The following GRIN3A variants were observed in gnomAD, a reference collection of about 807,000 sequenced individuals.
GRIN3A encodes the protein glutamate receptor ionotropic, NMDA 3A.
Under a neutral mutation model 92.4 loss-of-function variants are expected in GRIN3A, and 47 were observed. That is an observed-to-expected ratio of 0.51 (90% confidence interval 0.40 to 0.65). GRIN3A has a LOEUF of 0.65. Ranked by LOEUF, GRIN3A falls within the 30% of genes least tolerant of loss-of-function variation. The probability of loss-of-function intolerance (pLI) is 0.00; values close to 1 mark genes in which losing one functional copy is unlikely to be tolerated. For synonymous variants in GRIN3A, 527 were observed against 540.6 expected, an observed-to-expected ratio of 0.97 and a Z score of 0.35; for missense variants, 1,324 against 1,393.1, an observed-to-expected ratio of 0.95 and a Z score of 0.79.
intron 6 of GRIN3A, among the ~76,000 whole-genome samples, chr9:101,611,098 A>T (rs886105070): frequency 1.1e-5 from 1 of 91,154 alleles, no homozygotes; most frequent in Admixed American, 1.2e-4. Flanking sequence ...AGTCTGTCTC[A>T]AAAAAAAAAA....
chr9:101,694,474 CT>C lies in GRIN3A; in HGVS notation c.700-7275del, dbSNP rs758003468. Among the ~76,000 whole-genome samples the C allele has an allele frequency of 2.4e-4, 37 of 152,258 alleles. 1 individual carries two copies. Among genetic ancestry groups the C allele is most frequent in the Admixed American group, 1.4e-3 (22 of 15,294 alleles). The stretch of plus-strand genomic sequence containing the variant: ...CCTGCACCAAGCTTCTAATCATGGA[CT>C]TTTTTCCCATGATAATTCCACCTAA... On this transcript the variant is annotated intron_variant, in intron 1 of 8. Coordinates refer to ENST00000361820, the MANE Select transcript of GRIN3A (RefSeq NM_133445.3).
intron 6 of GRIN3A, chr9:101,602,916 C>A (rs990461295): frequency 1.3e-5 from 2 of 152,086 alleles, no homozygotes; most frequent in African/African-American, 4.8e-5. Context: ...AGCCTAACTT[C>A]GAAATACAAT....
In GRIN3A at chr9:101,716,991, T is replaced by C. The variant is rs190803205; in HGVS notation, c.699+20290A>G. 1.1e-3 allele frequency among the ~76,000 whole-genome samples: 162 copies of C among 152,276 alleles called. 1 individual carries two copies. The highest frequency in any genetic ancestry group is 3.8e-3 in the African/African-American group (157 of 41,572). On this transcript the variant is annotated intron_variant, in intron 1 of 8. Coordinates refer to ENST00000361820, the MANE Select transcript of GRIN3A (RefSeq NM_133445.3). ...AGGCACTCTTCAGTGACATACGATA[T>C]CACTACTCCCTACTGTATTATTTGG...
intron 1 of GRIN3A, among the ~76,000 whole-genome samples, chr9:101,714,732 T>TA (rs769008885): frequency 1.9e-4 from 29 of 151,826 alleles, no homozygotes; most frequent in African/African-American, 2.7e-4. Context: ...TTTCTGGGAT[T>TA]AAAAAAAATG....
chr9:101,585,357 G>A (rs963942217), intron 6 of GRIN3A, among the ~76,000 whole-genome samples: 1 of 152,072 alleles, frequency 6.6e-6, no homozygotes, highest in Non-Finnish European at 1.5e-5. Context: ...CTACACTCAT[G>A]TTCTCATTCA....
intron 3 of GRIN3A, among the ~76,000 whole-genome samples, chr9:101,631,958 A>G (rs2118884785): frequency 6.6e-6 from 1 of 152,290 alleles, no homozygotes; most frequent in South Asian, 2.1e-4. Context: ...CTTAATGCCC[A>G]TCAATGGCTC....
intron 6 of GRIN3A, among the ~76,000 whole-genome samples, chr9:101,579,924 C>G (rs1827868198): frequency 6.6e-6 from 1 of 152,144 alleles, no homozygotes; most frequent in Non-Finnish European, 1.5e-5. Flanking sequence ...ACCACAATCT[C>G]CAGATGGTTT....
intron 6 of GRIN3A, among the ~76,000 whole-genome samples, chr9:101,584,233 A>G (rs1490537225): frequency 6.6e-6 from 1 of 152,124 alleles, no homozygotes; most frequent in African/African-American, 2.4e-5. Flanking sequence ...AGCCCACCCC[A>G]TCTCACTTAG....
chr9:101,575,184 A>T (rs892506878), intron 8 of GRIN3A, among the ~76,000 whole-genome samples: 4 of 152,214 alleles, frequency 2.6e-5, no homozygotes, highest in African/African-American at 9.6e-5. Context: ...TCATAGTCTA[A>T]GTTTTATATA....
rs762326064 is a variant in GRIN3A at position 101,622,912 on chromosome 9, A to G, written c.2614+406T>C. ...AAATACAGATTTCCCTGAATTTTGGAAGGCTGAGGCAGGAGGATCACTTGA... is the reference window on the plus strand; with the variant it reads ...AAATACAGATTTCCCTGAATTTTGGGAGGCTGAGGCAGGAGGATCACTTGA... On this transcript the variant is annotated intron_variant, in intron 5 of 8. Coordinates refer to ENST00000361820, the MANE Select transcript of GRIN3A (RefSeq NM_133445.3). 3.3e-5 allele frequency among the ~76,000 whole-genome samples: 5 copies of G among 151,840 alleles called. No homozygotes were observed. In the East Asian group the frequency reaches 9.7e-4, roughly 30 times the overall value.
intron 1 of GRIN3A, among the ~76,000 whole-genome samples, chr9:101,717,730 A>G (rs1438410386): frequency 1.3e-5 from 2 of 151,770 alleles, no homozygotes; most frequent in Non-Finnish European, 1.5e-5. Flanking sequence ...CTACAAAAAT[A>G]TAGAGAAATT....
At chr9:101,723,371 C>T (rs574069160) in intron 1 of GRIN3A, among the ~76,000 whole-genome samples, 15 of 151,910 alleles carry the variant, frequency 9.9e-5, no homozygotes, top group African/African-American at 3.1e-4. Context: ...TCGTTCCTCC[C>T]GGTGGGCTTG....
chr9:101,573,501 T>C lies in GRIN3A; in HGVS notation c.3021A>G (p.Gly1007=), dbSNP rs528947644. 1 of 1,613,602 alleles carries C rather than the reference T, an allele frequency of 6.2e-7. No homozygotes were observed. The highest frequency in any genetic ancestry group is 1.3e-5 in the African/African-American group (1 of 74,958). ...TKRVEKRSNV[G]PRQLTVWNTS... is the part of the protein sequence containing the mutation. ...TATTCCATACGGTAAGCTGACGGGG[T>C]CCCACATTAGACCTAGGAAACAGAG... Residue 1007 remains glycine, a synonymous_variant, in exon 9 of 9, where the codon GGA becomes GGG. Transcript: ENST00000361820.
intron 3 of GRIN3A, among the ~76,000 whole-genome samples, chr9:101,641,356 A>C (rs1296195481): frequency 6.6e-6 from 1 of 152,190 alleles, no homozygotes; most frequent in Non-Finnish European, 1.5e-5. Context: ...TTGTGGCACT[A>C]TTCACAATAG....
rs1827751604 is a variant in GRIN3A at position 101,570,990 on chromosome 9, A to C, written c.*2184T>G. 6.6e-6 allele frequency: 1 copy of C among 152,458 alleles called. No homozygotes were observed. Among genetic ancestry groups the C allele is most frequent in the Non-Finnish European group, 1.5e-5 (1 of 68,052 alleles). The allele number at this position is 152,458 out of a possible 1,614,324, so 9.4% of individuals were successfully genotyped here. A position where few individuals can be genotyped will look rare whatever the true frequency, so the allele number is the denominator to read the frequency against. On this transcript the variant is annotated 3_prime_UTR_variant, in exon 9 of 9. Transcript: ENST00000361820. ...CCTGTACATCAGCCTTCCGGGCTGC[A>C]CAGAGGTTCAGGGGCACGCAGAGCA...
chr9:101,666,231 C>T (rs1204539891), intron 3 of GRIN3A, among the ~76,000 whole-genome samples: 2 of 151,990 alleles, frequency 1.3e-5, no homozygotes, highest in South Asian at 4.1e-4. Context: ...ACAGTATGGC[C>T]TCCCTCTGCC....
chr9:101,635,472 T>A (rs751323007), intron 3 of GRIN3A, among the ~76,000 whole-genome samples: 3 of 152,246 alleles, frequency 2.0e-5, no homozygotes, highest in Non-Finnish European at 4.4e-5. Context: ...TGTCCCCTGA[T>A]ATAGACAATT....
rs543833385 is a variant in GRIN3A, at chr9:101,571,967, C to T, written c.*1207G>A. On this transcript the variant is annotated 3_prime_UTR_variant, in exon 9 of 9. Transcript: ENST00000361820. ...AACTTGATATGCTGAGAAAGTGACACCTAAGCAGAGGGGAGGTTACTTGTA... is the reference window on the plus strand; with the variant it reads ...AACTTGATATGCTGAGAAAGTGACATCTAAGCAGAGGGGAGGTTACTTGTA... 1 of 152,356 alleles carries T rather than the reference C, an allele frequency of 6.6e-6. No homozygotes were observed. Among genetic ancestry groups the T allele is most frequent in the African/African-American group, 2.4e-5 (1 of 41,532 alleles). 9.4% of individuals were successfully genotyped at this position (152,356 alleles called of 1,614,324 possible).
At chr9:101,610,719 G>A (rs1315002459) in intron 6 of GRIN3A, among the ~76,000 whole-genome samples, 2 of 151,992 alleles carry the variant, frequency 1.3e-5, no homozygotes, top group Non-Finnish European at 2.9e-5. Flanking sequence ...GTAAAAAACA[G>A]ATTTCAGTTG....
Sources: gnomAD v4.1 joint callset for allele counts (sites outside exome capture counted in the v4.1 genomes callset) on GRCh38, gnomAD v4.1.1 for gene constraint, MANE v1.5 for transcripts, NCBI Gene and HGNC (gene_info 2026-07-23, HGNC 2026-07-21) for gene names.